SHQ1: variants seen among roughly 807,000 people sequenced by gnomAD.
The protein encoded by SHQ1 is protein SHQ1 homolog.
Under a neutral mutation model 53.8 loss-of-function variants are expected in SHQ1, and 49 were observed. That is an observed-to-expected ratio of 0.91 (90% confidence interval 0.72 to 1.16). SHQ1 has a LOEUF of 1.16. SHQ1 is among the 50% of genes most tolerant of loss of function. The pLI is 0.00. For missense variants in SHQ1, 738 were observed against 683.1 expected (o/e 1.08, Z -0.90); for synonymous variants, 243 against 251.0 (o/e 0.97, Z 0.30).
At position 72,775,817 on chromosome 3, in the gene SHQ1, A is replaced by G. The variant is rs571887213; in HGVS notation, c.1181+17099T>C. Among the ~76,000 whole-genome samples, 6 of 152,342 alleles carry G rather than the reference A, an allele frequency of 3.9e-5. No individual in the cohort carries two copies. The East Asian group carries it at 1.2e-3, about 29-fold the overall frequency. ...TTTTAAGATCATCCCAAGGATGAGG[A>G]AAAAATGCAATAAAATTCAAAACTA... is the stretch of plus-strand genomic sequence containing the variant. On this transcript the variant is annotated intron_variant, in intron 10 of 10. Coordinates refer to ENST00000325599, the MANE Select transcript of SHQ1 (RefSeq NM_018130.3).
intron 4 of SHQ1, among the ~76,000 whole-genome samples, chr3:72,834,795 G>A (rs1707938956): frequency 6.6e-6 from 1 of 152,178 alleles, no homozygotes; most frequent in South Asian, 2.1e-4. Context: ...GTGGAATCAT[G>A]CAGACTCTCT....
At chr3:72,765,558 T>TATATATATATATATATATATATATATA (rs1491541493) in intron 10 of SHQ1, among the ~76,000 whole-genome samples, 2 of 63,526 alleles carry the variant, frequency 3.1e-5, no homozygotes, top group African/African-American at 2.1e-4. Flanking sequence ...TATATATATA[T>TATATATATATATATATATATATATATA]TTTTTTTTTT....
chr3:72,803,142 C>G (rs551311841), intron 9 of SHQ1, among the ~76,000 whole-genome samples: 30 of 152,318 alleles, frequency 2.0e-4, no homozygotes, highest in African/African-American at 7.2e-4. Context: ...GGGGGCCTCC[C>G]AGGCTGACCT....
At chr3:72,812,603 T>C (rs753493509) in intron 9 of SHQ1, 68 bp downstream of exon 9, 82 of 1,571,176 alleles carry the variant, frequency 5.2e-5, no homozygotes, top group Non-Finnish European at 6.5e-5. Flanking sequence ...AAATCATTAT[T>C]ATATCTTCAC....
chr3:72,807,917 T>C (rs978294093), intron 9 of SHQ1, among the ~76,000 whole-genome samples: 12 of 152,210 alleles, frequency 7.9e-5, no homozygotes, highest in African/African-American at 2.4e-4. Flanking sequence ...CTGGTTTTAA[T>C]TGGGGACAAC....
At chr3:72,776,652 T>A (rs776794426) in intron 10 of SHQ1, among the ~76,000 whole-genome samples, 1 of 152,050 alleles carries the variant, frequency 6.6e-6, no homozygotes, top group Non-Finnish European at 1.5e-5. Context: ...TGGAAAAAAA[T>A]TATAAAATTT....
At chr3:72,762,763 C>G (rs530198036) in intron 10 of SHQ1, among the ~76,000 whole-genome samples, 1 of 152,256 alleles carries the variant, frequency 6.6e-6, no homozygotes, top group African/African-American at 2.4e-5. Context: ...CAACCTCTGC[C>G]TCCTAGGTTA....
chr3:72,745,166 T>C (rs982758564), downstream of SHQ1, among the ~76,000 whole-genome samples: 1 of 152,104 alleles, frequency 6.6e-6, no homozygotes, highest in African/African-American at 2.4e-5. Context: ...TTTAAATAAT[T>C]TTATAAAGTC....
chr3:72,845,884 T>C (rs1708314695), intron 1 of SHQ1, among the ~76,000 whole-genome samples: 1 of 152,236 alleles, frequency 6.6e-6, no homozygotes, highest in Non-Finnish European at 1.5e-5. Flanking sequence ...GGTCAGTTTA[T>C]GGATGAGTTT....
chr3:72,808,631 C>A (rs760187294), intron 9 of SHQ1, among the ~76,000 whole-genome samples: 1 of 152,128 alleles, frequency 6.6e-6, no homozygotes, highest in Non-Finnish European at 1.5e-5. Context: ...AGCTAACACA[C>A]GCAGCTGTGG....
At chr3:72,781,193 G>A (rs550363440) in intron 10 of SHQ1, among the ~76,000 whole-genome samples, 1 of 151,780 alleles carries the variant, frequency 6.6e-6, no homozygotes, top group African/African-American at 2.4e-5. Context: ...CCAAGTAGCT[G>A]GGATTACAGG....
intron 10 of SHQ1, chr3:72,753,121 T>A: frequency 1.0e-6 from 1 of 985,434 alleles, no homozygotes; most frequent in South Asian, 4.7e-5. Context: ...TGACTACTAT[T>A]CTTAAGGGGA....
At chr3:72,789,913 G>A (rs116233691) in intron 10 of SHQ1, among the ~76,000 whole-genome samples, 3 of 152,176 alleles carry the variant, frequency 2.0e-5, no homozygotes, top group Non-Finnish European at 4.4e-5. Flanking sequence ...CACATGGTAT[G>A]GGTGGAGACA....
chr3:72,837,206 G>C (rs1230778947), intron 4 of SHQ1, among the ~76,000 whole-genome samples: 1 of 152,060 alleles, frequency 6.6e-6, no homozygotes, highest in Non-Finnish European at 1.5e-5. Flanking sequence ...ATTTCAGAAA[G>C]GAAAAAAAGA....
chr3:72,784,998 T>C (rs1197035587), intron 10 of SHQ1, among the ~76,000 whole-genome samples: 1 of 152,218 alleles, frequency 6.6e-6, no homozygotes, highest in Admixed American at 6.5e-5. Flanking sequence ...CCAAGGCAAC[T>C]GGACCAGGAA....
At chr3:72,825,374 A>ACACACACACACG (rs1707619879) in intron 5 of SHQ1, among the ~76,000 whole-genome samples, 1 of 151,596 alleles carries the variant, frequency 6.6e-6, no homozygotes, top group African/African-American at 2.4e-5. Context: ...ACACACACAC[A>ACACACACACACG]CACACACACA....
intron 10 of SHQ1, among the ~76,000 whole-genome samples, chr3:72,786,441 T>TC (rs924398988): frequency 2.0e-5 from 3 of 152,156 alleles, no homozygotes; most frequent in African/African-American, 7.2e-5. Flanking sequence ...TTCTTTCCTA[T>TC]CCCTTCTGTA....
At chr3:72,785,556 G>A (rs903794534) in intron 10 of SHQ1, among the ~76,000 whole-genome samples, 9 of 152,108 alleles carry the variant, frequency 5.9e-5, no homozygotes, top group Non-Finnish European at 1.2e-4. Context: ...CTATAACATC[G>A]TGACCCCTGA....
chr3:72,845,751 T>A (rs191645723), intron 1 of SHQ1, among the ~76,000 whole-genome samples: 1 of 152,252 alleles, frequency 6.6e-6, no homozygotes, highest in East Asian at 1.9e-4. Context: ...CCTTGTTTCC[T>A]ACTAAATATG....
Sources: gnomAD v4.1 joint callset for allele counts (sites outside exome capture counted in the v4.1 genomes callset) on GRCh38, gnomAD v4.1.1 for gene constraint, MANE v1.5 for transcripts, NCBI Gene and HGNC (gene_info 2026-07-23, HGNC 2026-07-21) for gene names.